The following NRXN1 variants were observed in gnomAD, a reference collection of about 807,000 sequenced individuals.
NRXN1 encodes the protein neurexin-1.
A neutral mutation model predicts 150.9 loss-of-function variants in NRXN1; 39 were observed. The ratio of observed to expected loss-of-function variants is 0.26; its 90% CI spans 0.20 to 0.34. The LOEUF is 0.34. Among genes scored for constraint, NRXN1 ranks in the 10% least tolerant of loss-of-function variants. NRXN1 has a pLI of 1.00. For missense variants in NRXN1, 1,815 were observed against 1,949.9 expected (o/e 0.93, Z 1.30); for synonymous variants, 924 against 757.0 (o/e 1.22, Z -3.62).
At chr2:50,153,265 T>C (rs1329920181) in intron 18 of NRXN1, among the ~76,000 whole-genome samples, 1 of 151,682 alleles carries the variant, frequency 6.6e-6, no homozygotes, top group Non-Finnish European at 1.5e-5. Flanking sequence ...CCTTTATTCT[T>C]AGAGCATTTT....
intron 5 of NRXN1, among the ~76,000 whole-genome samples, chr2:50,693,453 T>G (rs543478210): frequency 2.6e-5 from 4 of 152,076 alleles, no homozygotes; most frequent in African/African-American, 9.7e-5. Flanking sequence ...GGTCCTTTGG[T>G]CCACTATACC....
At chr2:50,430,210 G>T (rs540364972) in intron 17 of NRXN1, among the ~76,000 whole-genome samples, 2 of 152,092 alleles carry the variant, frequency 1.3e-5, no homozygotes, top group Admixed American at 1.3e-4. Flanking sequence ...CCTAGGGTGA[G>T]CCATCAGTTT....
At chr2:50,737,044 G>A (rs990006023) in intron 5 of NRXN1, among the ~76,000 whole-genome samples, 6 of 151,770 alleles carry the variant, frequency 4.0e-5, no homozygotes, top group African/African-American at 1.5e-4. Flanking sequence ...GGTCACCTGA[G>A]GTAAGGAGTT....
intron 5 of NRXN1, among the ~76,000 whole-genome samples, chr2:50,713,334 A>T (rs1276012333): frequency 1.3e-5 from 2 of 151,984 alleles, no homozygotes; most frequent in Non-Finnish European, 2.9e-5. Context: ...AAGAAAAAAA[A>T]ATTACAATGG....
intron 18 of NRXN1, among the ~76,000 whole-genome samples, chr2:50,159,447 C>T (rs1386152860): frequency 6.6e-6 from 1 of 152,086 alleles, no homozygotes; most frequent in African/African-American, 2.4e-5. Flanking sequence ...AAAACTAAAT[C>T]TCCTCTGAAA....
At chr2:50,704,896 G>A (rs1454394519) in intron 5 of NRXN1, among the ~76,000 whole-genome samples, 2 of 151,464 alleles carry the variant, frequency 1.3e-5, no homozygotes, top group African/African-American at 2.4e-5. Context: ...TTTTTCTCAC[G>A]AAAACCTGTG....
intron 18 of NRXN1, among the ~76,000 whole-genome samples, chr2:50,144,433 T>C (rs920861607): frequency 1.3e-5 from 2 of 151,678 alleles, no homozygotes; most frequent in Non-Finnish European, 2.9e-5. Flanking sequence ...ACCAGAAAGC[T>C]AGGGGGGAGA....
chr2:50,205,551 T>C (rs1559088312), intron 18 of NRXN1, among the ~76,000 whole-genome samples: 3 of 152,140 alleles, frequency 2.0e-5, no homozygotes, highest in Non-Finnish European at 1.5e-5. Context: ...ATACGGAATA[T>C]ATGTTATAAA....
intron 17 of NRXN1, among the ~76,000 whole-genome samples, chr2:50,282,923 C>T (rs1290997902): frequency 6.6e-6 from 1 of 152,138 alleles, no homozygotes; most frequent in African/African-American, 2.4e-5. Context: ...AAATTAAAAT[C>T]TTTGGCACAA....
chr2:50,810,197 G>C (rs1184019483), intron 5 of NRXN1, among the ~76,000 whole-genome samples: 1 of 152,078 alleles, frequency 6.6e-6, no homozygotes, highest in Non-Finnish European at 1.5e-5. Flanking sequence ...CTAATTCCAA[G>C]CATTTCTTTA....
At chr2:50,906,836 T>C (rs1362337203) in intron 5 of NRXN1, among the ~76,000 whole-genome samples, 2 of 152,060 alleles carry the variant, frequency 1.3e-5, no homozygotes, top group African/African-American at 4.8e-5. Context: ...GTGAATAGGT[T>C]GGATTACATG....
At chr2:50,754,062 A>G (rs1269648293) in intron 5 of NRXN1, among the ~76,000 whole-genome samples, 2 of 151,794 alleles carry the variant, frequency 1.3e-5, no homozygotes, top group Non-Finnish European at 2.9e-5. Flanking sequence ...AAAATATTAA[A>G]CTAATATACC....
At chr2:50,072,933 T>A (rs2152670967) in intron 19 of NRXN1, among the ~76,000 whole-genome samples, 1 of 152,310 alleles carries the variant, frequency 6.6e-6, no homozygotes, top group Non-Finnish European at 1.5e-5. Context: ...CATAGCTTCA[T>A]CATTTTCACC....
rs1395281384 is a variant in NRXN1, at chr2:50,668,368, T to C, written c.833-44753A>G. 9.2e-5 allele frequency among the ~76,000 whole-genome samples: 14 copies of C among 152,140 alleles called. No individual in the cohort carries two copies. In the East Asian group the frequency reaches 2.7e-3, roughly 30 times the overall value. On this transcript the variant is annotated intron_variant, in intron 5 of 22. Transcript: ENST00000401669. ...AACATGTGAAAAATTTTTGTTTGCTTCTTTACAGTCTACAAGCTTATTAAA... is the reference window on the plus strand; with the variant it reads ...AACATGTGAAAAATTTTTGTTTGCTCCTTTACAGTCTACAAGCTTATTAAA...
intron 21 of NRXN1, among the ~76,000 whole-genome samples, chr2:49,997,178 A>G (rs1683141002): frequency 6.6e-6 from 1 of 152,122 alleles, no homozygotes; most frequent in South Asian, 2.1e-4. Flanking sequence ...TTGGAGATGG[A>G]AATTCATGCC....
intron 5 of NRXN1, among the ~76,000 whole-genome samples, chr2:50,713,182 C>T (rs568683264): frequency 9.2e-5 from 14 of 151,880 alleles, no homozygotes; most frequent in East Asian, 1.9e-4. Flanking sequence ...GGCGTGGTGG[C>T]GCATGCCTGT....
At chr2:50,832,228 T>C (rs1054725612) in intron 5 of NRXN1, among the ~76,000 whole-genome samples, 1 of 152,098 alleles carries the variant, frequency 6.6e-6, no homozygotes, top group African/African-American at 2.4e-5. Flanking sequence ...AAATAATCTA[T>C]AGAGCTTTGA....
intron 5 of NRXN1, among the ~76,000 whole-genome samples, chr2:50,661,031 G>A (rs867531222): frequency 7.2e-5 from 11 of 151,924 alleles, no homozygotes; most frequent in African/African-American, 2.7e-4. Flanking sequence ...TTCTCATCTA[G>A]GTTCATGACT....
At chr2:49,932,153 T>C (rs1259979685) in intron 22 of NRXN1, among the ~76,000 whole-genome samples, 5 of 152,180 alleles carry the variant, frequency 3.3e-5, no homozygotes, top group East Asian at 1.9e-4. Context: ...TGGTAATTCA[T>C]GCCTGTAATC....
Sources: gnomAD v4.1 joint callset for allele counts (sites outside exome capture counted in the v4.1 genomes callset) on GRCh38, gnomAD v4.1.1 for gene constraint, MANE v1.5 for transcripts, NCBI Gene and HGNC (gene_info 2026-07-23, HGNC 2026-07-21) for gene names.